Variants in DCLK2 observed in about 807,000 individuals in gnomAD.
The protein encoded by DCLK2 is doublecortin like kinase 2.
A neutral mutation model predicts 78.4 loss-of-function variants in DCLK2; 31 were observed. The ratio of observed to expected loss-of-function variants is 0.40; its 90% CI spans 0.30 to 0.53. The LOEUF is 0.53. DCLK2 is among the 20% of genes least tolerant of loss of function. The pLI is 0.61. For synonymous variants in DCLK2, 407 were observed against 374.9 expected, an observed-to-expected ratio of 1.09 and a Z score of -0.99; for missense variants, 872 against 973.7, an observed-to-expected ratio of 0.90 and a Z score of 1.39.
chr4:150,107,375 A>ATT (rs1353627336), intron 2 of DCLK2, among the ~76,000 whole-genome samples: 6 of 96,948 alleles, frequency 6.2e-5, no homozygotes, highest in South Asian at 2.9e-4. Context: ...TTTTTTGGTT[A>ATT]TTGTTTTTTT....
chr4:150,119,064 T>C (rs1017075692), intron 2 of DCLK2, among the ~76,000 whole-genome samples: 57 of 151,248 alleles, frequency 3.8e-4, no homozygotes, highest in African/African-American at 1.2e-3. Flanking sequence ...ATAATAATAA[T>C]AACAATTGTG....
chr4:150,212,648 T>G (rs150540604), intron 5 of DCLK2, among the ~76,000 whole-genome samples: 1 of 152,336 alleles, frequency 6.6e-6, no homozygotes, highest in Non-Finnish European at 1.5e-5. Context: ...GGACAGTGAT[T>G]TGCACATTGT....
intron 1 of DCLK2, among the ~76,000 whole-genome samples, chr4:150,098,857 G>A (rs1465399071): frequency 2.6e-5 from 4 of 151,752 alleles, no homozygotes; most frequent in Non-Finnish European, 4.4e-5. Flanking sequence ...CACCACACCC[G>A]GCTAATTTTT....
chr4:150,244,161 C>T (rs944216073), intron 12 of DCLK2, among the ~76,000 whole-genome samples: 10 of 152,046 alleles, frequency 6.6e-5, no homozygotes, highest in Non-Finnish European at 1.2e-4. Flanking sequence ...TCTTGAACTC[C>T]TAGCCTCAGG....
chr4:150,160,112 T>C (rs529331542), intron 2 of DCLK2, among the ~76,000 whole-genome samples: 12 of 152,186 alleles, frequency 7.9e-5, no homozygotes, highest in African/African-American at 2.4e-4. Context: ...CCTCCCAGGC[T>C]TAAGTGGTTT....
intron 7 of DCLK2, among the ~76,000 whole-genome samples, chr4:150,222,192 C>A (rs1007080793): frequency 2.0e-5 from 3 of 152,096 alleles, no homozygotes; most frequent in Non-Finnish European, 2.9e-5. Flanking sequence ...TTGCTTCAAA[C>A]AGTCCTCCTG....
chr4:150,093,749 C>T (rs1026655390), intron 1 of DCLK2, among the ~76,000 whole-genome samples: 3 of 152,092 alleles, frequency 2.0e-5, no homozygotes, highest in African/African-American at 7.2e-5. Flanking sequence ...ATCCAAATAG[C>T]CAAATCAATC....
chr4:150,161,789 G>T (rs1304532086), intron 2 of DCLK2, among the ~76,000 whole-genome samples: 1 of 152,156 alleles, frequency 6.6e-6, no homozygotes, highest in Non-Finnish European at 1.5e-5. Flanking sequence ...ATTATTTTAG[G>T]GCTGAATTGT....
chr4:150,175,102 A>T lies in DCLK2; in HGVS notation c.757-18036A>T, dbSNP rs1320399338. 2.1e-3 allele frequency among the ~76,000 whole-genome samples: 193 copies of T among 92,114 alleles called. 42 individuals carry two copies. Among genetic ancestry groups the T allele is most frequent in the Middle Eastern group, 5.0e-3 (1 of 202 alleles). 60.4% of individuals were successfully genotyped at this position (92,114 alleles called of 152,430 possible). ...TATATTTATATATATATTTATATAT[A>T]TTTATATATTTATATTTTTTATATA... On this transcript the variant is annotated intron_variant, in intron 2 of 15. Coordinates refer to ENST00000296550, the MANE Select transcript of DCLK2 (RefSeq NM_001040260.4).
chr4:150,105,567 A>C (rs1165349558), intron 2 of DCLK2, among the ~76,000 whole-genome samples: 1 of 152,094 alleles, frequency 6.6e-6, no homozygotes, highest in South Asian at 2.1e-4. Context: ...TTTTGTTAAT[A>C]TGTATAACTA....
intron 15 of DCLK2, chr4:150,254,295 A>G (rs1744409154): frequency 2.5e-6 from 1 of 397,932 alleles, no homozygotes; most frequent in Non-Finnish European, 4.4e-6. Flanking sequence ...ATTTGGGTTT[A>G]TTGCCTTAAT....
intron 2 of DCLK2, among the ~76,000 whole-genome samples, chr4:150,126,040 A>G (rs1383718134): frequency 6.6e-6 from 1 of 152,202 alleles, no homozygotes; most frequent in East Asian, 1.9e-4. Flanking sequence ...CAGTTATGCA[A>G]TAAATTAAAG....
chr4:150,192,622 GAC>G (rs1406336183), intron 2 of DCLK2, among the ~76,000 whole-genome samples: 4 of 152,108 alleles, frequency 2.6e-5, no homozygotes, highest in African/African-American at 9.7e-5. Flanking sequence ...TGATGGGGGT[GAC>G]TATTAACACA....
chr4:150,155,247 G>A lies in DCLK2; in HGVS notation c.757-37891G>A, dbSNP rs1269546385. 4.6e-5 allele frequency among the ~76,000 whole-genome samples: 7 copies of A among 152,084 alleles called. No homozygotes were observed. The South Asian group carries it at 8.3e-4, about 18-fold the overall frequency. On this transcript the variant is annotated intron_variant, in intron 2 of 15. Coordinates refer to ENST00000296550, the MANE Select transcript of DCLK2 (RefSeq NM_001040260.4). ...CCTTGTCTCCAAAAAGTAAAAATAC[G>A]TAACAGTAGCACATGAAAATGACTT...
At chr4:150,190,690 G>A (rs982676203) in intron 2 of DCLK2, among the ~76,000 whole-genome samples, 1 of 152,028 alleles carries the variant, frequency 6.6e-6, no homozygotes, top group South Asian at 2.1e-4. Flanking sequence ...TTTCTTCTGG[G>A]GATGATGAAA....
intron 2 of DCLK2, among the ~76,000 whole-genome samples, chr4:150,172,760 TGGGG>T (rs34505816): frequency 0.12 from 15,198 of 124,960 alleles, 1,159 homozygotes; most frequent in East Asian, 0.18. Context: ...TTTTTTTTTT[TGGGG>T]GGGGGGGGGA....
At chr4:150,136,097 G>A (rs1170003288) in intron 2 of DCLK2, among the ~76,000 whole-genome samples, 1 of 152,184 alleles carries the variant, frequency 6.6e-6, no homozygotes, top group Admixed American at 6.5e-5. Flanking sequence ...ATTGTGGACC[G>A]TGGAGAGGGG....
At chr4:150,253,598 G>A (rs554651351) in intron 15 of DCLK2, 659 of 1,288,782 alleles carry the variant, frequency 5.1e-4, no homozygotes, top group Non-Finnish European at 6.1e-4. Context: ...CCCATCCTCA[G>A]CCCCTCTCAC....
intron 2 of DCLK2, among the ~76,000 whole-genome samples, chr4:150,117,755 G>A (rs1732206801): frequency 6.6e-6 from 1 of 152,124 alleles, no homozygotes; most frequent in South Asian, 2.1e-4. Flanking sequence ...TTTTCCACCT[G>A]GCTCATAGTG....
Sources: gnomAD v4.1 joint callset for allele counts (sites outside exome capture counted in the v4.1 genomes callset) on GRCh38, gnomAD v4.1.1 for gene constraint, MANE v1.5 for transcripts, NCBI Gene and HGNC (gene_info 2026-07-23, HGNC 2026-07-21) for gene names.